The following FMN1 variants were observed in gnomAD, a reference collection of about 807,000 sequenced individuals.
FMN1 encodes formin-1.
Under a neutral mutation model 132.4 loss-of-function variants are expected in FMN1, and 110 were observed. The ratio of observed to expected loss-of-function variants is 0.83; its 90% CI spans 0.71 to 0.97. The LOEUF is 0.97. FMN1 is among the 50% of genes least tolerant of loss of function. The pLI, the probability that FMN1 is intolerant of heterozygous loss-of-function variation, is 0.00. For missense variants in FMN1, 1,792 were observed against 1,705.3 expected (o/e 1.05, Z -0.90); for synonymous variants, 722 against 651.7 (o/e 1.11, Z -1.64).
At chr15:32,870,164 G>A (rs1033200764) in intron 16 of FMN1, among the ~76,000 whole-genome samples, 1 of 152,092 alleles carries the variant, frequency 6.6e-6, no homozygotes, top group Non-Finnish European at 1.5e-5. Flanking sequence ...TTTCATGGTA[G>A]TAGGACTCCT....
intron 16 of FMN1, among the ~76,000 whole-genome samples, chr15:32,862,735 G>A (rs2059301035): frequency 6.6e-6 from 1 of 152,306 alleles, no homozygotes; most frequent in Non-Finnish European, 1.5e-5. Flanking sequence ...AAATGTATGT[G>A]GGCAATTGGT....
At chr15:33,163,068 G>A (rs1964958734) in intron 3 of FMN1, among the ~76,000 whole-genome samples, 1 of 152,168 alleles carries the variant, frequency 6.6e-6, no homozygotes, top group South Asian at 2.1e-4. Flanking sequence ...GTTGCAGTGA[G>A]CCGAGATCAC....
intron 16 of FMN1, among the ~76,000 whole-genome samples, chr15:32,887,731 A>G (rs1244870005): frequency 6.6e-6 from 1 of 152,210 alleles, no homozygotes; most frequent in Non-Finnish European, 1.5e-5. Context: ...AGACTTGATT[A>G]GACTTGATTA....
chr15:32,876,226 T>C (rs574649334), intron 16 of FMN1, among the ~76,000 whole-genome samples: 3 of 152,376 alleles, frequency 2.0e-5, no homozygotes, highest in South Asian at 2.1e-4. Context: ...GTTCTTTTTA[T>C]TGAAATTATG....
chr15:32,875,836 G>A (rs1431601228), intron 16 of FMN1, among the ~76,000 whole-genome samples: 1 of 152,146 alleles, frequency 6.6e-6, no homozygotes, highest in African/African-American at 2.4e-5. Flanking sequence ...TTTCTGTAAA[G>A]AAAATGTTTT....
At chr15:32,876,100 G>T (rs1384639671) in intron 16 of FMN1, among the ~76,000 whole-genome samples, 1 of 152,152 alleles carries the variant, frequency 6.6e-6, no homozygotes, top group Non-Finnish European at 1.5e-5. Flanking sequence ...CTTTGTTAAT[G>T]AACTTGCCAA....
At chr15:33,067,070 T>G (rs2037769259) in intron 5 of FMN1, 1 of 1,614,012 alleles carries the variant, frequency 6.2e-7, no homozygotes, top group East Asian at 2.2e-5. Flanking sequence ...AGCTGGAAGT[T>G]GGAATGACTT....
At chr15:33,119,110 T>TAAA (rs903912951) in intron 4 of FMN1, among the ~76,000 whole-genome samples, 10 of 152,152 alleles carry the variant, frequency 6.6e-5, no homozygotes, top group Admixed American at 3.9e-4. Context: ...GTTCAGCCCA[T>TAAA]AAAAACTAGA....
intron 4 of FMN1, among the ~76,000 whole-genome samples, chr15:33,140,978 T>C (rs1001552808): frequency 6.6e-6 from 1 of 152,202 alleles, no homozygotes; most frequent in African/African-American, 2.4e-5. Flanking sequence ...ATTGACTATC[T>C]CCTTTGCTCA....
At chr15:32,911,756 G>A (rs2060566783) in intron 10 of FMN1, among the ~76,000 whole-genome samples, 2 of 152,096 alleles carry the variant, frequency 1.3e-5, no homozygotes, top group African/African-American at 4.8e-5. Flanking sequence ...AAAAGAGGAG[G>A]TTAATATGCT....
At chr15:32,800,440 C>T (rs965322538) in intron 18 of FMN1, among the ~76,000 whole-genome samples, 9 of 152,198 alleles carry the variant, frequency 5.9e-5, no homozygotes, top group African/African-American at 2.2e-4. Flanking sequence ...AGACATAACC[C>T]TTATTTCCAT....
chr15:32,942,421 T>C (rs1301644293), intron 9 of FMN1, among the ~76,000 whole-genome samples: 1 of 152,242 alleles, frequency 6.6e-6, no homozygotes, highest in Non-Finnish European at 1.5e-5. Context: ...ACAGAAAATC[T>C]GTACACTGTA....
At chr15:32,818,515 T>C (rs953116578) in intron 17 of FMN1, among the ~76,000 whole-genome samples, 1 of 152,202 alleles carries the variant, frequency 6.6e-6, no homozygotes, top group Non-Finnish European at 1.5e-5. Flanking sequence ...TTGGAAATCA[T>C]CCATTGCTTC....
intron 19 of FMN1, among the ~76,000 whole-genome samples, chr15:32,793,959 T>A (rs2057183444): frequency 6.6e-6 from 1 of 152,220 alleles, no homozygotes; most frequent in Admixed American, 6.5e-5. Context: ...CTGCAGTCAG[T>A]GGCTTGTGGA....
At chr15:33,016,800 G>A (rs868336225) in intron 6 of FMN1, among the ~76,000 whole-genome samples, 1 of 152,182 alleles carries the variant, frequency 6.6e-6, no homozygotes. Context: ...TGGGCGATCT[G>A]ATAGTAAAGG....
chr15:32,821,587 G>C (rs1232139258), intron 17 of FMN1, among the ~76,000 whole-genome samples: 1 of 151,700 alleles, frequency 6.6e-6, no homozygotes, highest in Non-Finnish European at 1.5e-5. Flanking sequence ...AAGTAGCTGG[G>C]ACTACAGGCG....
At chr15:33,081,984 A>T (rs2038479582) in intron 5 of FMN1, among the ~76,000 whole-genome samples, 1 of 151,450 alleles carries the variant, frequency 6.6e-6, no homozygotes, top group African/African-American at 2.4e-5. Flanking sequence ...GATTGTGATG[A>T]GCCTTGGAAA....
At chr15:32,969,910 T>TTC (rs1220350371) in intron 7 of FMN1, among the ~76,000 whole-genome samples, 2 of 152,206 alleles carry the variant, frequency 1.3e-5, no homozygotes, top group Non-Finnish European at 2.9e-5. Flanking sequence ...CTTAGAGCTG[T>TTC]TCTCCCAGTC....
intron 4 of FMN1, chr15:33,151,047 C>G: frequency 8.3e-7 from 1 of 1,205,800 alleles, no homozygotes; most frequent in South Asian, 3.2e-5. Flanking sequence ...CAGGGAGTCA[C>G]TGAAGGGTTC....
Sources: allele counts gnomAD v4.1 joint callset (sites outside exome capture counted in the v4.1 genomes callset), GRCh38; gene constraint gnomAD v4.1.1; transcripts MANE v1.5; gene names NCBI Gene and HGNC (gene_info 2026-07-23, HGNC 2026-07-21).